The following PDE4B variants were observed in gnomAD, a reference collection of about 807,000 sequenced individuals.
PDE4B encodes 3',5'-cyclic-AMP phosphodiesterase 4B.
A neutral mutation model predicts 82.2 loss-of-function variants in PDE4B; 20 were observed. The observed-to-expected ratio is 0.24, with a 90% CI of 0.17 to 0.35. The LOEUF is 0.35. Ranked by LOEUF, PDE4B falls within the 10% of genes least tolerant of loss-of-function variation. The probability of loss-of-function intolerance (pLI) is 1.00; values close to 1 mark genes in which losing one functional copy is unlikely to be tolerated. For synonymous variants in PDE4B, 320 were observed against 318.9 expected, an observed-to-expected ratio of 1.00 and a Z score of -0.04; for missense variants, 655 against 907.2, an observed-to-expected ratio of 0.72 and a Z score of 3.57.
At chr1:66,260,262 G>A (rs1280996180) in intron 6 of PDE4B, among the ~76,000 whole-genome samples, 2 of 152,208 alleles carry the variant, frequency 1.3e-5, no homozygotes, top group Admixed American at 6.5e-5. Context: ...CTTCCAGTGG[G>A]CAACAGAGTT....
intron 3 of PDE4B, among the ~76,000 whole-genome samples, chr1:65,982,837 C>T (rs1650757026): frequency 6.6e-6 from 1 of 152,116 alleles, no homozygotes; most frequent in South Asian, 2.1e-4. Context: ...GAAGAATGAT[C>T]CAGAAGGTAG....
intron 3 of PDE4B, among the ~76,000 whole-genome samples, chr1:66,033,310 A>G (rs1346811316): frequency 6.6e-6 from 1 of 152,254 alleles, no homozygotes; most frequent in East Asian, 1.9e-4. Context: ...AACAATATGA[A>G]CAGAATGGAG....
At chr1:66,036,866 G>A (rs545258727) in intron 3 of PDE4B, among the ~76,000 whole-genome samples, 3 of 152,228 alleles carry the variant, frequency 2.0e-5, no homozygotes, top group South Asian at 4.2e-4. Flanking sequence ...CAAGTGTGGT[G>A]TCTTATGCCT....
intron 3 of PDE4B, among the ~76,000 whole-genome samples, chr1:65,984,900 T>C (rs940983238): frequency 6.2e-5 from 9 of 146,284 alleles, no homozygotes; most frequent in Non-Finnish European, 3.1e-5. Flanking sequence ...AAATATTATA[T>C]TGAAGTAAAT....
intron 3 of PDE4B, among the ~76,000 whole-genome samples, chr1:66,209,108 C>A (rs1649809145): frequency 6.6e-6 from 1 of 152,132 alleles, no homozygotes; most frequent in Non-Finnish European, 1.5e-5. Context: ...AGACCTTTTT[C>A]ATTTGTGTTT....
intron 3 of PDE4B, among the ~76,000 whole-genome samples, chr1:66,027,146 A>G (rs766656883): frequency 6.6e-6 from 1 of 152,218 alleles, no homozygotes; most frequent in Non-Finnish European, 1.5e-5. Context: ...ATAAAGACAT[A>G]TCTGAGACTG....
intron 8 of PDE4B, among the ~76,000 whole-genome samples, chr1:66,347,599 T>A (rs1341617596): frequency 1.3e-5 from 2 of 152,200 alleles, no homozygotes; most frequent in Admixed American, 6.5e-5. Flanking sequence ...GCCAGATTAA[T>A]AGGCTGTCCC....
chr1:66,180,553 A>G (rs1423866864), intron 3 of PDE4B, among the ~76,000 whole-genome samples: 1 of 152,210 alleles, frequency 6.6e-6, no homozygotes, highest in Admixed American at 6.5e-5. Context: ...AGAAATGATA[A>G]AAAGACATGA....
intron 1 of PDE4B, among the ~76,000 whole-genome samples, chr1:65,855,732 A>G (rs1646385120): frequency 6.6e-6 from 1 of 152,138 alleles, no homozygotes; most frequent in African/African-American, 2.4e-5. Flanking sequence ...ACTCTACTGC[A>G]TATGTTCCAG....
In PDE4B at chr1:65,990,425, G is replaced by T. The variant is rs192169984; in HGVS notation, c.281+71590G>T. ...TCTTTTGTAACTTCAAATTGCTGGGGTTTTTTTTGCCAATACATCACTATG... is the reference window on the plus strand; with the variant it reads ...TCTTTTGTAACTTCAAATTGCTGGGTTTTTTTTTGCCAATACATCACTATG... On this transcript the variant is annotated intron_variant, in intron 3 of 16. Coordinates refer to ENST00000341517, the MANE Select transcript of PDE4B (RefSeq NM_002600.4). Among the ~76,000 whole-genome samples the T allele has an allele frequency of 3.2e-3, 491 of 151,728 alleles. 3 individuals carry two copies. Among genetic ancestry groups the T allele is most frequent in the African/African-American group, 0.011 (452 of 41,404 alleles).
intron 3 of PDE4B, among the ~76,000 whole-genome samples, chr1:66,096,520 A>ATGTATATATG (rs1557557895): frequency 7.6e-6 from 1 of 130,986 alleles, no homozygotes; most frequent in South Asian, 2.4e-4. Flanking sequence ...ATATATATAT[A>ATGTATATATG]TATATATATA....
intron 1 of PDE4B, among the ~76,000 whole-genome samples, chr1:65,803,729 A>C (rs1645722468): frequency 6.6e-6 from 1 of 152,198 alleles, no homozygotes; most frequent in African/African-American, 2.4e-5. Context: ...TGGAACTTCC[A>C]ATGCCATATC....
At chr1:66,256,624 G>A (rs1013774942) in intron 4 of PDE4B, among the ~76,000 whole-genome samples, 5 of 152,142 alleles carry the variant, frequency 3.3e-5, no homozygotes, top group Non-Finnish European at 5.9e-5. Context: ...CAGAGGAGAG[G>A]CCCAAATGGA....
At chr1:66,048,433 C>T in intron 3 of PDE4B, among the ~76,000 whole-genome samples, 1 of 151,870 alleles carries the variant, frequency 6.6e-6, no homozygotes, top group East Asian at 1.9e-4. Context: ...AAAATCTTGA[C>T]CAGATATTAT....
chr1:66,063,934 T>C (rs1002288440), intron 3 of PDE4B, among the ~76,000 whole-genome samples: 2 of 151,946 alleles, frequency 1.3e-5, no homozygotes, highest in Admixed American at 1.3e-4. Flanking sequence ...AATGAACAGG[T>C]GCTCTCCTAT....
chr1:65,942,432 T>C (rs181385777), intron 3 of PDE4B, among the ~76,000 whole-genome samples: 1 of 152,140 alleles, frequency 6.6e-6, no homozygotes. Flanking sequence ...TGTTCATCCA[T>C]TGATAGACAC....
chr1:66,236,833 T>C (rs1652499009), intron 3 of PDE4B, among the ~76,000 whole-genome samples: 1 of 152,168 alleles, frequency 6.6e-6, no homozygotes, highest in Admixed American at 6.5e-5. Flanking sequence ...GTTGATTGAT[T>C]CATTAATGGA....
chr1:66,103,658 T>C (rs1645273290), intron 3 of PDE4B, among the ~76,000 whole-genome samples: 1 of 152,080 alleles, frequency 6.6e-6, no homozygotes, highest in African/African-American at 2.4e-5. Flanking sequence ...TACAAATAGA[T>C]AAATAAGGTA....
chr1:66,056,607 T>C (rs2100880795), intron 3 of PDE4B, among the ~76,000 whole-genome samples: 1 of 151,964 alleles, frequency 6.6e-6, no homozygotes, highest in South Asian at 2.1e-4. Flanking sequence ...GATATGGAGC[T>C]TGAGATGGGT....
Sources: gnomAD v4.1 joint callset for allele counts (sites outside exome capture counted in the v4.1 genomes callset) on GRCh38, gnomAD v4.1.1 for gene constraint, MANE v1.5 for transcripts, NCBI Gene and HGNC (gene_info 2026-07-23, HGNC 2026-07-21) for gene names.